Variants in MTUS2 observed in about 807,000 individuals in gnomAD.
MTUS2 encodes microtubule associated scaffold protein 2, also known as microtubule-associated tumor suppressor candidate 2.
A neutral mutation model predicts 114.1 loss-of-function variants in MTUS2; 40 were observed. The observed-to-expected ratio is 0.35, with a 90% CI of 0.27 to 0.46. The LOEUF (loss-of-function observed/expected upper bound fraction) is 0.46. MTUS2 is among the 20% of genes least tolerant of loss of function. The pLI is 1.00. For synonymous variants in MTUS2, 688 were observed against 672.0 expected (o/e 1.02, Z -0.37); for missense variants, 1,679 against 1,705.4 (o/e 0.98, Z 0.27).
chr13:29,278,839 C>T (rs919252735), intron 5 of MTUS2, among the ~76,000 whole-genome samples: 6 of 152,280 alleles, frequency 3.9e-5, no homozygotes, highest in African/African-American at 1.2e-4. Context: ...ATCATACTCT[C>T]ACTCTTCTCT....
rs759631642 is a variant in MTUS2 at position 29,503,000 on chromosome 13, T to C, written c.3904T>C (p.Ser1302Pro). Residue 1302 changes from serine to proline, a missense_variant, in exon 16 of 16, where the codon TCG becomes CCG. Physicochemically the swap from Ser to Pro is moderately conservative, Grantham distance 74. This residue lies in a region of MTUS2 where 822 missense variants were observed against 899.7 expected (regional missense o/e 0.91). Coordinates refer to ENST00000612955, the MANE Select transcript of MTUS2 (RefSeq NM_001033602.4). ...GTCATTGTGCCCATGCAGACAGCTG[T>C]CGGAGGAAAATGCTAACCTCCAGGA... ...DQNTVVTRQL[S>P]EENANLQEYV... The C allele has an allele frequency of 6.2e-7, 1 of 1,614,078 alleles. No homozygotes were observed. Among genetic ancestry groups the C allele is most frequent in the South Asian group, 1.1e-5 (1 of 91,048 alleles).
At chr13:29,128,240 A>C (rs926405067) in intron 5 of MTUS2, among the ~76,000 whole-genome samples, 1 of 152,214 alleles carries the variant, frequency 6.6e-6, no homozygotes, top group Non-Finnish European at 1.5e-5. Context: ...GGCCTTTCTC[A>C]GGCCGTGAAG....
At chr13:29,350,467 G>GT (rs1486080841) in intron 7 of MTUS2, among the ~76,000 whole-genome samples, 2 of 113,096 alleles carry the variant, frequency 1.8e-5, no homozygotes, top group East Asian at 6.0e-4. Context: ...ATCCTTCTCA[G>GT]ACTTCAGATC....
chr13:29,153,851 T>G (rs1320736389), intron 5 of MTUS2, among the ~76,000 whole-genome samples: 1 of 152,228 alleles, frequency 6.6e-6, no homozygotes, highest in Admixed American at 6.5e-5. Flanking sequence ...CATTTTAAAG[T>G]CTTCACGTTT....
intron 8 of MTUS2, chr13:29,428,517 A>T: frequency 2.4e-6 from 1 of 414,962 alleles, no homozygotes; most frequent in South Asian, 4.9e-5. Flanking sequence ...CTCTGTGGTT[A>T]TGCGACTATT....
At chr13:29,072,430 C>A (rs1356273792) in intron 4 of MTUS2, among the ~76,000 whole-genome samples, 1 of 152,100 alleles carries the variant, frequency 6.6e-6, no homozygotes, top group African/African-American at 2.4e-5. Context: ...TGTTGACCAG[C>A]ATCTCTGAGG....
At chr13:28,983,361 G>A (rs1342795892) in intron 2 of MTUS2, among the ~76,000 whole-genome samples, 2 of 152,214 alleles carry the variant, frequency 1.3e-5, no homozygotes, top group African/African-American at 4.8e-5. Flanking sequence ...CAGAAGCCAT[G>A]TGTGGCTGTT....
chr13:29,235,082 T>G (rs1566082704), intron 5 of MTUS2, among the ~76,000 whole-genome samples: 1 of 152,122 alleles, frequency 6.6e-6, no homozygotes, highest in African/African-American at 2.4e-5. Context: ...TCAAATTTAA[T>G]TTAGTTAATT....
intron 2 of MTUS2, among the ~76,000 whole-genome samples, chr13:29,005,480 C>T (rs1414265800): frequency 6.6e-6 from 1 of 152,182 alleles, no homozygotes; most frequent in African/African-American, 2.4e-5. Context: ...TGCTGAATGA[C>T]AAGGACCCTG....
intron 2 of MTUS2, among the ~76,000 whole-genome samples, chr13:29,007,562 A>C (rs1885654330): frequency 6.6e-6 from 1 of 152,150 alleles, no homozygotes; most frequent in Admixed American, 6.5e-5. Flanking sequence ...GTCTACTTAC[A>C]TTTGTTTGCA....
intron 5 of MTUS2, among the ~76,000 whole-genome samples, chr13:29,128,747 A>G (rs181554550): frequency 5.5e-4 from 84 of 152,270 alleles, no homozygotes; most frequent in Non-Finnish European, 1.6e-4. Context: ...TGTTAATTCA[A>G]ACATAAAAAA....
intron 5 of MTUS2, among the ~76,000 whole-genome samples, chr13:29,176,708 C>T (rs1052797926): frequency 7.6e-5 from 11 of 144,978 alleles, no homozygotes; most frequent in Non-Finnish European, 1.5e-4. Context: ...TAATCACTTC[C>T]CTACAGGCCA....
At chr13:29,271,114 A>G (rs2139502932) in intron 5 of MTUS2, among the ~76,000 whole-genome samples, 1 of 152,318 alleles carries the variant, frequency 6.6e-6, no homozygotes, top group Non-Finnish European at 1.5e-5. Flanking sequence ...TGCCTTTAAA[A>G]ATAGGACTGG....
At chr13:28,954,620 T>A (rs1288177149) in intron 2 of MTUS2, among the ~76,000 whole-genome samples, 3 of 152,040 alleles carry the variant, frequency 2.0e-5, no homozygotes, top group Non-Finnish European at 4.4e-5. Context: ...GGAGCATCAT[T>A]GAAGTGGAGC....
chr13:29,193,857 C>A (rs1894552126), intron 5 of MTUS2, among the ~76,000 whole-genome samples: 2 of 152,150 alleles, frequency 1.3e-5, no homozygotes, highest in Admixed American at 6.5e-5. Context: ...TACAAGGCTA[C>A]AATAACCAAA....
intron 5 of MTUS2, among the ~76,000 whole-genome samples, chr13:29,188,090 G>T (rs1397245541): frequency 6.6e-6 from 1 of 152,158 alleles, no homozygotes; most frequent in Non-Finnish European, 1.5e-5. Flanking sequence ...TACAGATCTG[G>T]TAGGGCTGTT....
intron 5 of MTUS2, among the ~76,000 whole-genome samples, chr13:29,160,836 A>G (rs529334764): frequency 2.0e-3 from 304 of 152,278 alleles, no homozygotes; most frequent in African/African-American, 6.8e-3. Context: ...CCGCCCCTGC[A>G]TAGTTCAAGG....
intron 2 of MTUS2, among the ~76,000 whole-genome samples, chr13:28,977,237 G>A (rs529596830): frequency 6.6e-6 from 1 of 152,110 alleles, no homozygotes; most frequent in African/African-American, 2.4e-5. Context: ...TCGCATCCTG[G>A]TGTCTCTTTT....
intron 2 of MTUS2, among the ~76,000 whole-genome samples, chr13:28,902,540 G>T (rs1879705781): frequency 6.6e-6 from 1 of 152,030 alleles, no homozygotes; most frequent in Non-Finnish European, 1.5e-5. Context: ...TTTGTCATGA[G>T]TGGGTGTTGG....
Sources: allele counts gnomAD v4.1 joint callset (sites outside exome capture counted in the v4.1 genomes callset), GRCh38; gene constraint gnomAD v4.1.1; regional missense constraint gnomAD v4.1.1; transcripts MANE v1.5; gene names NCBI Gene and HGNC (gene_info 2026-07-23, HGNC 2026-07-21).